The following DLC1 variants were observed in gnomAD, a reference collection of about 807,000 sequenced individuals.
DLC1 encodes the protein DLC1 Rho GTPase activating protein.
Under a neutral mutation model 140.3 loss-of-function variants are expected in DLC1, and 54 were observed. The observed-to-expected ratio is 0.38, with a 90% CI of 0.31 to 0.48. DLC1 has a LOEUF of 0.48. Among genes scored for constraint, DLC1 ranks in the 20% least tolerant of loss-of-function variants. DLC1 has a pLI of 0.96. For missense variants in DLC1, 2,536 were observed against 1,907.0 expected (o/e 1.33, Z -6.14); for synonymous variants, 986 against 728.1 (o/e 1.35, Z -5.70).
chr8:13,418,037 G>C (rs965950477), intron 2 of DLC1, among the ~76,000 whole-genome samples: 14 of 152,154 alleles, frequency 9.2e-5, no homozygotes, highest in African/African-American at 2.6e-4. Flanking sequence ...TGTTCATATC[G>C]TTTGCCTACT....
intron 4 of DLC1, among the ~76,000 whole-genome samples, chr8:13,362,111 C>G (rs1295523059): frequency 2.0e-5 from 3 of 152,198 alleles, no homozygotes; most frequent in African/African-American, 7.2e-5. Context: ...GGAGCAGTGG[C>G]TTAATTGGAA....
At chr8:13,487,903 G>T (rs151029335) in intron 2 of DLC1, among the ~76,000 whole-genome samples, 1 of 152,126 alleles carries the variant, frequency 6.6e-6, no homozygotes, top group African/African-American at 2.4e-5. Flanking sequence ...TAAAGAAGGC[G>T]ATCATTGATA....
chr8:13,273,289 A>G (rs1020712041), intron 5 of DLC1, among the ~76,000 whole-genome samples: 2 of 152,196 alleles, frequency 1.3e-5, no homozygotes, highest in Admixed American at 1.3e-4. Flanking sequence ...ATCCAGCACA[A>G]AGCTGTCCCC....
chr8:13,526,990 T>A (rs1462877950), intron 1 of DLC1, among the ~76,000 whole-genome samples: 1 of 152,238 alleles, frequency 6.6e-6, no homozygotes, highest in African/African-American at 2.4e-5. Flanking sequence ...ATATTTCATT[T>A]TGGAACATTG....
intron 5 of DLC1, among the ~76,000 whole-genome samples, chr8:13,124,262 T>A (rs369738343): frequency 5.0e-4 from 76 of 152,298 alleles, no homozygotes; most frequent in African/African-American, 1.8e-3. Context: ...AAGTGGGGTC[T>A]GCCTGGGCCC....
chr8:13,191,954 A>ATTATTATTATTATTC, intron 5 of DLC1, among the ~76,000 whole-genome samples: 1 of 149,432 alleles, frequency 6.7e-6, no homozygotes, highest in South Asian at 2.1e-4. Context: ...TATTATTATT[A>ATTATTATTATTATTC]TTATTTTTAT....
intron 12 of DLC1, 51 bp from the exon 13 acceptor site, chr8:13,092,876 T>G: frequency 6.4e-7 from 1 of 1,568,200 alleles, no homozygotes; most frequent in South Asian, 1.1e-5. Context: ...TGCATGGACA[T>G]TGCAAGGAAA....
chr8:13,180,106 G>A (rs1251550791), intron 5 of DLC1, among the ~76,000 whole-genome samples: 1 of 152,158 alleles, frequency 6.6e-6, no homozygotes, highest in Admixed American at 6.5e-5. Context: ...GGGAGATGGT[G>A]TTTACAGACA....
chr8:13,572,279 C>T (rs1206797425), intron 1 of DLC1, among the ~76,000 whole-genome samples: 8 of 151,908 alleles, frequency 5.3e-5, no homozygotes, highest in East Asian at 1.9e-4. Flanking sequence ...TTAGTAGAGA[C>T]GGGGTTTCAC....
intron 4 of DLC1, among the ~76,000 whole-genome samples, chr8:13,343,976 C>T (rs1255608684): frequency 6.6e-6 from 1 of 152,120 alleles, no homozygotes; most frequent in Non-Finnish European, 1.5e-5. Context: ...CATCAAGATA[C>T]TAGATTAGTA....
chr8:13,270,896 A>T (rs551052358), intron 5 of DLC1, among the ~76,000 whole-genome samples: 16 of 152,292 alleles, frequency 1.1e-4, no homozygotes, highest in African/African-American at 3.8e-4. Context: ...AGCACTTTGC[A>T]GAGTAGCTCA....
At chr8:13,140,070 G>T (rs925477483) in intron 5 of DLC1, among the ~76,000 whole-genome samples, 1 of 151,780 alleles carries the variant, frequency 6.6e-6, no homozygotes, top group African/African-American at 2.4e-5. Flanking sequence ...CCTTCCCCCA[G>T]CCCCTGGTAA....
intron 5 of DLC1, among the ~76,000 whole-genome samples, chr8:13,175,472 A>G (rs1206834367): frequency 6.6e-6 from 1 of 152,160 alleles, no homozygotes; most frequent in Non-Finnish European, 1.5e-5. Context: ...CATTGCAGAT[A>G]GATGTTTAAG....
At chr8:13,535,676 AAAAAAAAAG>A (rs1190234370) in intron 1 of DLC1, among the ~76,000 whole-genome samples, 27 of 149,222 alleles carry the variant, frequency 1.8e-4, no homozygotes, top group Non-Finnish European at 3.3e-4. Context: ...CATTAAAAAA[AAAAAAAAAG>A]AAAAGAAAAC....
chr8:13,316,162 G>A (rs1220367775), intron 4 of DLC1, among the ~76,000 whole-genome samples: 36 of 152,180 alleles, frequency 2.4e-4, no homozygotes, highest in Non-Finnish European at 2.1e-4. Flanking sequence ...GCTGGTGATG[G>A]AAGTGTCCAA....
chr8:13,407,751 A>T (rs1175014061), intron 2 of DLC1, among the ~76,000 whole-genome samples: 1 of 152,128 alleles, frequency 6.6e-6, no homozygotes, highest in Non-Finnish European at 1.5e-5. Context: ...CTTCAATTCC[A>T]TATGTGTGTT....
At chr8:13,327,064 C>T (rs985372574) in intron 4 of DLC1, among the ~76,000 whole-genome samples, 3 of 152,046 alleles carry the variant, frequency 2.0e-5, no homozygotes, top group Non-Finnish European at 2.9e-5. Flanking sequence ...ATGCCACTCT[C>T]CCGCCTCAGC....
rs1563357501 is a variant in DLC1, at chr8:13,451,061, A to AAAAAAAAAAAAAAAAAAAAAAAAAAAAAG, written c.1023+47987_1023+47988insCTTTTTTTTTTTTTTTTTTTTTTTTTTTT. Among the ~76,000 whole-genome samples, 5 of 138,404 alleles carry AAAAAAAAAAAAAAAAAAAAAAAAAAAAAG rather than the reference A, an allele frequency of 3.6e-5. 1 individual carries two copies. The highest frequency in any genetic ancestry group is 6.1e-5 in the Non-Finnish European group (4 of 65,568). 90.8% of individuals were successfully genotyped at this position (138,404 alleles called of 152,430 possible). ...TCAAAAAAAAAAAAAAAAAAAAAAA[A>AAAAAAAAAAAAAAAAAAAAAAAAAAAAAG]AAAAAAAGAAAAAAAGAAAAAGGAT... On this transcript the variant is annotated intron_variant, in intron 2 of 17. Coordinates refer to ENST00000276297, the MANE Select transcript of DLC1 (RefSeq NM_182643.3).
chr8:13,522,450 C>A (rs1411168067), intron 1 of DLC1, among the ~76,000 whole-genome samples: 3 of 151,898 alleles, frequency 2.0e-5, no homozygotes, highest in Non-Finnish European at 4.4e-5. Context: ...CATGGTGAGA[C>A]CCTGTGTCTA....
Sources: gnomAD v4.1 joint callset for allele counts (sites outside exome capture counted in the v4.1 genomes callset) on GRCh38, gnomAD v4.1.1 for gene constraint, MANE v1.5 for transcripts, NCBI Gene and HGNC (gene_info 2026-07-23, HGNC 2026-07-21) for gene names.